The following CTDSPL variants were observed in gnomAD, a reference collection of about 807,000 sequenced individuals.
CTDSPL encodes the protein CTD small phosphatase like, also known as CTD small phosphatase-like protein.
Under a neutral mutation model 30.5 loss-of-function variants are expected in CTDSPL, and 8 were observed. The observed-to-expected ratio is 0.26, with a 90% CI of 0.15 to 0.47. The LOEUF is 0.47. Ranked by LOEUF, CTDSPL falls within the 20% of genes least tolerant of loss-of-function variation. The pLI, the probability that CTDSPL is intolerant of heterozygous loss-of-function variation, is 0.99. For missense variants in CTDSPL, 248 were observed against 366.1 expected, an observed-to-expected ratio of 0.68 and a Z score of 2.63; for synonymous variants, 110 against 137.9, an observed-to-expected ratio of 0.80 and a Z score of 1.42.
Position 37,862,139 on chromosome 3 carries a change from G to A in CTDSPL, c.-61G>A. 1 of 879,426 alleles carries A rather than the reference G, an allele frequency of 1.1e-6. No homozygotes were observed. The highest frequency in any genetic ancestry group is 1.4e-6 in the Non-Finnish European group (1 of 737,864). 54.5% of individuals were successfully genotyped at this position (879,426 alleles called of 1,614,324 possible). A position where few individuals can be genotyped will look rare whatever the true frequency, so the allele number is the denominator to read the frequency against. ...CGCGCCCCCGCGCCCCCCGCGCCGC[G>A]CCCCCGCGCGCTTGGCTTGCGGGGG... On this transcript the variant is annotated 5_prime_UTR_variant, in exon 1 of 8. Coordinates refer to ENST00000273179, the MANE Select transcript of CTDSPL (RefSeq NM_001008392.2). The surrounding 1 kb of genome is among the most constrained non-coding windows in gnomAD (Gnocchi z 4.3).
intron 1 of CTDSPL, among the ~76,000 whole-genome samples, chr3:37,880,449 G>C (rs1698190770): frequency 6.6e-6 from 1 of 152,102 alleles, no homozygotes; most frequent in Non-Finnish European, 1.5e-5. Flanking sequence ...CCTCTGTCAT[G>C]GGCAGCATAT....
intron 1 of CTDSPL, among the ~76,000 whole-genome samples, chr3:37,916,551 GAGA>G (rs1698649832): frequency 6.6e-6 from 1 of 152,128 alleles, no homozygotes; most frequent in Non-Finnish European, 1.5e-5. Context: ...CACACATAGG[GAGA>G]AGATGATAGA....
At chr3:37,924,693 G>C (rs562440027) in intron 1 of CTDSPL, among the ~76,000 whole-genome samples, 2 of 152,212 alleles carry the variant, frequency 1.3e-5, no homozygotes, top group Non-Finnish European at 2.9e-5. Context: ...TTGTCTCAGG[G>C]ATATGTAGTT....
intron 2 of CTDSPL, among the ~76,000 whole-genome samples, chr3:37,949,149 T>C (rs1386151608): frequency 6.6e-6 from 1 of 152,220 alleles, no homozygotes; most frequent in African/African-American, 2.4e-5. Flanking sequence ...ATCAAAGATA[T>C]TTTTAAACAC....
At chr3:37,903,145 G>A (rs80176711) in intron 1 of CTDSPL, among the ~76,000 whole-genome samples, 1,833 of 152,316 alleles carry the variant, frequency 0.012, 40 homozygotes, top group African/African-American at 0.041. Flanking sequence ...TAAGGGCACA[G>A]TGGAGAGTAT....
intron 7 of CTDSPL, among the ~76,000 whole-genome samples, chr3:37,978,424 G>A (rs1699453312): frequency 6.6e-6 from 1 of 152,176 alleles, no homozygotes; most frequent in Admixed American, 6.5e-5. Context: ...ATATCTTGGG[G>A]ATGGAACCAA....
intron 1 of CTDSPL, among the ~76,000 whole-genome samples, chr3:37,946,512 A>G (rs1202187926): frequency 6.6e-6 from 1 of 152,234 alleles, no homozygotes; most frequent in Non-Finnish European, 1.5e-5. Flanking sequence ...TGGCGAGTTT[A>G]AGCAGGCGGT....
At chr3:37,924,090 C>T (rs1022373891) in intron 1 of CTDSPL, among the ~76,000 whole-genome samples, 3 of 152,244 alleles carry the variant, frequency 2.0e-5, no homozygotes, top group Non-Finnish European at 4.4e-5. Flanking sequence ...CAACAGGCCT[C>T]TTGCCGTATG....
chr3:37,929,090 A>G (rs1199265449), intron 1 of CTDSPL, among the ~76,000 whole-genome samples: 1 of 152,126 alleles, frequency 6.6e-6, no homozygotes, highest in Non-Finnish European at 1.5e-5. Flanking sequence ...TTGACCGTAC[A>G]TGCATAGGTT....
intron 1 of CTDSPL, among the ~76,000 whole-genome samples, chr3:37,945,945 C>A (rs1385901852): frequency 6.6e-6 from 1 of 152,226 alleles, no homozygotes; most frequent in Non-Finnish European, 1.5e-5. Context: ...TTACACAAAT[C>A]ACTCGTAAGT....
chr3:37,976,012 C>G (rs2125635533), intron 7 of CTDSPL, 118 bp downstream of exon 7: 1 of 1,068,284 alleles, frequency 9.4e-7, no homozygotes, highest in Non-Finnish European at 1.3e-6. Flanking sequence ...CTAATGAAAT[C>G]CCAGCTCTGC....
At chr3:37,893,813 G>A (rs1698359377) in intron 1 of CTDSPL, among the ~76,000 whole-genome samples, 1 of 152,108 alleles carries the variant, frequency 6.6e-6, no homozygotes, top group African/African-American at 2.4e-5. Flanking sequence ...GTAACTTCTT[G>A]CACACTATTC....
intron 3 of CTDSPL, among the ~76,000 whole-genome samples, chr3:37,958,420 T>C (rs1209114801): frequency 3.9e-5 from 6 of 152,182 alleles, no homozygotes; most frequent in Admixed American, 3.9e-4. Context: ...TCTTTAACCT[T>C]TATATAAAGT....
At chr3:37,909,136 A>G (rs1407039730) in intron 1 of CTDSPL, among the ~76,000 whole-genome samples, 1 of 152,228 alleles carries the variant, frequency 6.6e-6, no homozygotes, top group African/African-American at 2.4e-5. Context: ...GCTAAATTCA[A>G]GAAAGAAATT....
At chr3:37,890,322 AAACTT>A (rs2125596094) in intron 1 of CTDSPL, among the ~76,000 whole-genome samples, 1 of 152,358 alleles carries the variant, frequency 6.6e-6, no homozygotes, top group South Asian at 2.1e-4. Context: ...AAATAAAACA[AAACTT>A]AGCTTTTTAA....
intron 1 of CTDSPL, among the ~76,000 whole-genome samples, chr3:37,939,400 T>C (rs1698952749): frequency 6.6e-6 from 1 of 150,460 alleles, no homozygotes; most frequent in African/African-American, 2.4e-5. Flanking sequence ...CTGTGTTCTT[T>C]CCATGTAACT....
chr3:37,872,289 A>G (rs1348600541), intron 1 of CTDSPL, among the ~76,000 whole-genome samples: 1 of 152,148 alleles, frequency 6.6e-6, no homozygotes, highest in Non-Finnish European at 1.5e-5. Context: ...AGATAAGTGT[A>G]GAATCTCTGT....
intron 3 of CTDSPL, 46 bp downstream of exon 3, chr3:37,957,189 C>A (rs1278956753): frequency 3.6e-6 from 5 of 1,402,784 alleles, no homozygotes; most frequent in Non-Finnish European, 4.9e-6. Flanking sequence ...GTCATAAAAT[C>A]TTGTGGCTTT....
At chr3:37,882,192 T>C (rs139525803) in intron 1 of CTDSPL, among the ~76,000 whole-genome samples, 1,603 of 151,952 alleles carry the variant, frequency 0.011, 35 homozygotes, top group South Asian at 0.078. Flanking sequence ...CCTGTAATCC[T>C]AGCACTTTGG....
Sources: gnomAD v4.1 joint callset for allele counts (sites outside exome capture counted in the v4.1 genomes callset) on GRCh38, gnomAD v4.1.1 for gene constraint, Gnocchi (gnomAD v3.1) non-coding constraint, MANE v1.5 for transcripts, NCBI Gene and HGNC (gene_info 2026-07-23, HGNC 2026-07-21) for gene names.